Variants in PPP1R1C observed in about 807,000 individuals in gnomAD.
The protein encoded by PPP1R1C is protein phosphatase 1 regulatory subunit 1C.
Under a neutral mutation model 17.4 loss-of-function variants are expected in PPP1R1C, and 15 were observed. That is an observed-to-expected ratio of 0.86 (90% confidence interval 0.58 to 1.33). The LOEUF (loss-of-function observed/expected upper bound fraction) is 1.33, where lower values mean the gene tolerates loss of function less well. PPP1R1C is among the 40% of genes most tolerant of loss of function. PPP1R1C has a pLI of 0.00. For missense variants in PPP1R1C, 143 were observed against 130.0 expected (o/e 1.10, Z -0.48); for synonymous variants, 35 against 43.1 (o/e 0.81, Z 0.73).
At chr2:182,009,081 A>G (rs1239528529) in intron 2 of PPP1R1C, among the ~76,000 whole-genome samples, 6 of 152,196 alleles carry the variant, frequency 3.9e-5, no homozygotes, top group African/African-American at 1.2e-4. Flanking sequence ...GAATAATACT[A>G]CAATAAACAT....
At chr2:182,043,131 T>C (rs1687235531) in intron 2 of PPP1R1C, among the ~76,000 whole-genome samples, 1 of 152,178 alleles carries the variant, frequency 6.6e-6, no homozygotes, top group African/African-American at 2.4e-5. Context: ...TTTTTGCCAG[T>C]TCACTACTCA....
chr2:182,011,592 A>G (rs1686089873), intron 2 of PPP1R1C, among the ~76,000 whole-genome samples: 1 of 151,710 alleles, frequency 6.6e-6, no homozygotes, highest in Admixed American at 6.6e-5. Context: ...TTTATTTACT[A>G]ATTCATTTGT....
At chr2:182,129,420 A>G (rs879942769) in exon 6 of PPP1R1C, 1 of 152,014 alleles carries the variant, frequency 6.6e-6, no homozygotes, top group African/African-American at 2.4e-5. Flanking sequence ...TCTTTTTCAA[A>G]TTCCATTGGT....
chr2:182,124,928 A>G (rs1689838013), intron 5 of PPP1R1C, among the ~76,000 whole-genome samples: 1 of 152,094 alleles, frequency 6.6e-6, no homozygotes. Flanking sequence ...TTCCAATACT[A>G]TGTTGAATAG....
At chr2:182,058,826 C>T (rs746588090) in intron 2 of PPP1R1C, among the ~76,000 whole-genome samples, 1 of 152,034 alleles carries the variant, frequency 6.6e-6, no homozygotes, top group Non-Finnish European at 1.5e-5. Flanking sequence ...TGCATTCTGC[C>T]CGTTTCTTAG....
chr2:181,996,368 T>C (rs1685613129), intron 2 of PPP1R1C, among the ~76,000 whole-genome samples: 1 of 152,184 alleles, frequency 6.6e-6, no homozygotes, highest in African/African-American at 2.4e-5. Flanking sequence ...TCCCAGTCTG[T>C]GTGCGGTCTC....
chr2:181,986,280 T>C, intron 1 of PPP1R1C, 89 bp downstream of exon 1: 5 of 1,063,112 alleles, frequency 4.7e-6, no homozygotes, highest in Non-Finnish European at 5.8e-6. Flanking sequence ...CTTTACCTTT[T>C]GATTTTGCTA....
chr2:182,080,553 C>T (rs1454782526), intron 4 of PPP1R1C, among the ~76,000 whole-genome samples: 1 of 152,152 alleles, frequency 6.6e-6, no homozygotes, highest in Admixed American at 6.5e-5. Context: ...CAATACATCA[C>T]GTAATACACA....
rs1334055352 is a variant in PPP1R1C, at chr2:182,090,306, TG to T, written c.241+26516del. 2.6e-5 allele frequency among the ~76,000 whole-genome samples: 4 copies of T among 151,884 alleles called. No homozygotes were observed. The East Asian group carries it at 7.7e-4, about 29-fold the overall frequency. ...TATAAATTCTGTGTGTGTGTGTGTGTGTGTGTGTGTCAGAGAGAGACAGAGA... is the reference window on the plus strand; with the variant it reads ...TATAAATTCTGTGTGTGTGTGTGTGTTGTGTGTGTCAGAGAGAGACAGAGA... On this transcript the variant is annotated intron_variant, in intron 4 of 4. Coordinates refer to ENST00000682840, the MANE Select transcript of PPP1R1C (RefSeq NM_001080545.3).
chr2:182,020,123 T>C (rs1574382528), intron 2 of PPP1R1C, among the ~76,000 whole-genome samples: 1 of 152,354 alleles, frequency 6.6e-6, no homozygotes. Flanking sequence ...ACTGTAAAGA[T>C]TTAAAGGACT....
chr2:182,047,577 A>G (rs575132132), intron 2 of PPP1R1C, among the ~76,000 whole-genome samples: 2 of 152,294 alleles, frequency 1.3e-5, no homozygotes, highest in African/African-American at 4.8e-5. Context: ...ATTTTTCTGG[A>G]GCAAATTGGC....
chr2:181,969,576 C>T (rs115310276), intron 1 of PPP1R1C, among the ~76,000 whole-genome samples: 2,796 of 152,166 alleles, frequency 0.018, 76 homozygotes, highest in African/African-American at 0.062. Context: ...TATTAAATAT[C>T]TTGAGGTAGT....
At chr2:181,983,404 G>C (rs1422273654), upstream of PPP1R1C, among the ~76,000 whole-genome samples, 1 of 152,118 alleles carries the variant, frequency 6.6e-6, no homozygotes, top group East Asian at 1.9e-4. Flanking sequence ...TGCAGATAAA[G>C]CACTTAGAAT....
chr2:182,008,106 T>G (rs1192912517), intron 2 of PPP1R1C, among the ~76,000 whole-genome samples: 2 of 141,076 alleles, frequency 1.4e-5, no homozygotes, highest in Non-Finnish European at 1.6e-5. Context: ...TAAAATAAAA[T>G]GAAATCAATA....
intron 4 of PPP1R1C, among the ~76,000 whole-genome samples, chr2:182,093,712 G>A (rs943052376): frequency 3.9e-5 from 6 of 152,132 alleles, no homozygotes; most frequent in African/African-American, 1.4e-4. Context: ...AAAGCAAAAT[G>A]CCACCAGTCC....
At position 182,009,489 on chromosome 2, in the gene PPP1R1C, A is replaced by G. The variant is rs1686028257; in HGVS notation, c.142+21590A>G. ...AATCAGATTATTATGGTGTTTGCCT[A>G]TACTGTTGCTTGAGTTCCTTATATA... On this transcript the variant is annotated intron_variant, in intron 2 of 4. Transcript: ENST00000682840. Among the ~76,000 whole-genome samples, 7 of 151,968 alleles carry G rather than the reference A, an allele frequency of 4.6e-5. No individual in the cohort carries two copies. In the South Asian group the frequency reaches 1.5e-3, roughly 31 times the overall value.
At chr2:182,046,093 TTTCCTTCCTTCCTTCCTTCCTTCCTTCC>T (rs56180506) in intron 2 of PPP1R1C, among the ~76,000 whole-genome samples, 17 of 144,092 alleles carry the variant, frequency 1.2e-4, no homozygotes, top group Admixed American at 4.9e-4. Context: ...CCCTCCTACA[TTTCCTTCCTTCCTTCCTTCCTTCCTTCC>T]TTCCTTCCTT....
chr2:182,068,673 A>G (rs1688059992), intron 4 of PPP1R1C, among the ~76,000 whole-genome samples: 1 of 152,174 alleles, frequency 6.6e-6, no homozygotes, highest in South Asian at 2.1e-4. Flanking sequence ...CGACTATTAT[A>G]ACATTCCTGT....
At position 181,962,169 on chromosome 2, in the gene PPP1R1C, TG is replaced by T; in HGVS notation, n.111+7537del. ...ATTTTGCTCTCCAGCTTCCGGTTCTTGGTCTCCAGGCTCCTCACTCTGTCCA... is the reference window on the plus strand; with the variant it reads ...ATTTTGCTCTCCAGCTTCCGGTTCTTGTCTCCAGGCTCCTCACTCTGTCCA... On this transcript the variant is annotated intron_variant and non_coding_transcript_variant, in intron 1 of 5. Coordinates refer to the PPP1R1C transcript ENST00000464264. This position sits in a 1 kb window ranked among gnomAD's most constrained non-coding sequence, Gnocchi z 6.0. 1 of 742,194 alleles carries T rather than the reference TG, an allele frequency of 1.3e-6. No homozygotes were observed. Among genetic ancestry groups the T allele is most frequent in the Non-Finnish European group, 2.5e-6 (1 of 406,348 alleles). 46.0% of individuals were successfully genotyped at this position (742,194 alleles called of 1,614,324 possible). A position where few individuals can be genotyped will look rare whatever the true frequency, so the allele number is the denominator to read the frequency against.
Sources: allele counts gnomAD v4.1 joint callset (sites outside exome capture counted in the v4.1 genomes callset), GRCh38; gene constraint gnomAD v4.1.1; non-coding constraint Gnocchi (gnomAD v3.1); transcripts MANE v1.5; gene names NCBI Gene and HGNC (gene_info 2026-07-23, HGNC 2026-07-21).